CTTNBP2: variants seen among roughly 807,000 people sequenced by gnomAD.
CTTNBP2 encodes the protein cortactin binding protein 2, also known as cortactin-binding protein 2.
A neutral mutation model predicts 156.9 loss-of-function variants in CTTNBP2; 108 were observed. The observed-to-expected ratio is 0.69, with a 90% CI of 0.59 to 0.81. The LOEUF is 0.81. Ranked by LOEUF, CTTNBP2 falls within the 30% of genes least tolerant of loss-of-function variation. The pLI, the probability that CTTNBP2 is intolerant of heterozygous loss-of-function variation, is 0.00. For missense variants in CTTNBP2, 1,924 were observed against 2,035.4 expected (o/e 0.95, Z 1.05); for synonymous variants, 767 against 751.8 (o/e 1.02, Z -0.33).
intron 2 of CTTNBP2, among the ~76,000 whole-genome samples, chr7:117,827,243 T>C (rs1801339941): frequency 6.6e-6 from 1 of 152,218 alleles, no homozygotes; most frequent in Admixed American, 6.5e-5. Context: ...GCAATCATCA[T>C]GTTGTGGGAG....
chr7:117,715,120 A>G (rs137881004), intron 22 of CTTNBP2, among the ~76,000 whole-genome samples: 1 of 152,316 alleles, frequency 6.6e-6, no homozygotes, highest in Admixed American at 6.5e-5. Context: ...TAATTCCTCT[A>G]GATGGGAAAG....
Position 117,871,844 on chromosome 7 carries a change from TCACACACA to T in CTTNBP2, c.81+1483_81+1490del, listed in dbSNP as rs71150640. ...CCTCTTTCTTTTTCGTCCTTCCCCT[TCACACACA>T]CACACACACACACACACACACACCC... On this transcript the variant is annotated intron_variant, in intron 1 of 22. Transcript: ENST00000160373. 575 of 309,458 alleles carry T rather than the reference TCACACACA, an allele frequency of 1.9e-3. 13 individuals are homozygous for T. The highest frequency in any genetic ancestry group is 0.016 in the African/African-American group (472 of 30,222). 19.2% of individuals were successfully genotyped at this position (309,458 alleles called of 1,614,324 possible).
rs1253924797 is a variant in CTTNBP2 at position 117,760,571 on chromosome 7, T to G, written c.3036A>C (p.Ala1012=). ...AATGATTTGTCAGAGCTTGACTCAC[T>G]GCTTTTGAAAAATCATCCCATGATG... ...KQTSWDDFSK[A]VSQALTNHFQ... is the part of the protein sequence containing the mutation. The change falls in exon 10 of 23, where the codon GCA becomes GCC. Residue 1012 remains alanine, a synonymous_variant. Coordinates refer to ENST00000160373, the MANE Select transcript of CTTNBP2 (RefSeq NM_033427.3). 17 of 1,614,210 alleles carry G rather than the reference T, an allele frequency of 1.1e-5. No individual in the cohort carries two copies. The highest frequency in any genetic ancestry group is 1.3e-5 in the Non-Finnish European group (15 of 1,180,016).
intron 12 of CTTNBP2, among the ~76,000 whole-genome samples, chr7:117,747,716 T>C (rs1796410932): frequency 6.6e-6 from 1 of 152,152 alleles, no homozygotes; most frequent in African/African-American, 2.4e-5. Context: ...GAGGTTGCAG[T>C]GAGCCAAGAT....
At chr7:117,732,233 C>T (rs1795440706) in intron 16 of CTTNBP2, among the ~76,000 whole-genome samples, 1 of 152,096 alleles carries the variant, frequency 6.6e-6, no homozygotes, top group African/African-American at 2.4e-5. Context: ...ATATAACACA[C>T]ATGACCTAAA....
At chr7:117,824,726 T>G (rs1470567483) in intron 2 of CTTNBP2, among the ~76,000 whole-genome samples, 1 of 152,224 alleles carries the variant, frequency 6.6e-6, no homozygotes, top group Non-Finnish European at 1.5e-5. Flanking sequence ...TGCTTTCTCT[T>G]CCCTAGCTTC....
At position 117,784,418 on chromosome 7, in the gene CTTNBP2, C is replaced by G; in HGVS notation, c.2105G>C (p.Gly702Ala). 6.2e-7 allele frequency: 1 copy of G among 1,609,614 alleles called. No individual in the cohort carries two copies. Among genetic ancestry groups the G allele is most frequent in the Middle Eastern group, 1.7e-4 (1 of 5,926 alleles). Residue 702 changes from glycine (G) to alanine (A), a missense_variant, in exon 5 of 23, where the codon GGT becomes GCT. Transcript: ENST00000160373. The part of the protein sequence containing the change: ...SPSLTPLLMS[G>A]GPAPLAGRPT... ...CCTGCCAGCCAGGGGGGCAGGACCACCACTCATTAGCAAAGGGGTTAGGGA... is the reference window on the plus strand; with the variant it reads ...CCTGCCAGCCAGGGGGGCAGGACCAGCACTCATTAGCAAAGGGGTTAGGGA...
intron 2 of CTTNBP2, among the ~76,000 whole-genome samples, chr7:117,845,858 CT>C (rs553063917): frequency 7.4e-5 from 11 of 148,140 alleles, no homozygotes; most frequent in East Asian, 2.0e-4. Context: ...ATTTTTTTTT[CT>C]TTTTTTTTTG....
At chr7:117,755,967 C>T (rs1391843082) in intron 12 of CTTNBP2, among the ~76,000 whole-genome samples, 1 of 152,144 alleles carries the variant, frequency 6.6e-6, no homozygotes, top group African/African-American at 2.4e-5. Context: ...CTACCTTTGA[C>T]CAAGCAACAC....
intron 14 of CTTNBP2, among the ~76,000 whole-genome samples, chr7:117,739,183 G>C (rs34605897): frequency 0.046 from 6,965 of 152,204 alleles, 212 homozygotes; most frequent in African/African-American, 0.07. Context: ...TTTTAGTTGA[G>C]AAATAGTACG....
rs1474837816 is a variant in CTTNBP2, at chr7:117,782,898, G to T, written c.2336C>A (p.Thr779Lys). 6.2e-7 allele frequency: 1 copy of T among 1,613,942 alleles called. No individual in the cohort carries two copies. Among genetic ancestry groups the T allele is most frequent in the African/African-American group, 1.3e-5 (1 of 74,926 alleles). Residue 779 changes from threonine to lysine, a missense_variant, in exon 6 of 23, where the codon ACA (threonine) becomes AAA (lysine). Coordinates refer to ENST00000160373, the MANE Select transcript of CTTNBP2 (RefSeq NM_033427.3). The part of the protein sequence containing the change: ...QVNAADKNGF[T>K]PLCAAAAQGH... Reference sequence around the variant, plus strand: ...CTGAGCAGCTGCAGCACACAAGGGTGTGAAGCCATTTTTATCAGCAGCATT... The same window carrying T: ...CTGAGCAGCTGCAGCACACAAGGGTTTGAAGCCATTTTTATCAGCAGCATT...
chr7:117,766,242 T>C (rs912277375), intron 9 of CTTNBP2, among the ~76,000 whole-genome samples: 4 of 152,140 alleles, frequency 2.6e-5, no homozygotes, highest in African/African-American at 9.7e-5. Flanking sequence ...ACCCGAAACC[T>C]AGACTTCAAT....
At chr7:117,806,812 G>C (rs1232613094) in intron 3 of CTTNBP2, among the ~76,000 whole-genome samples, 1 of 144,708 alleles carries the variant, frequency 6.9e-6, no homozygotes, top group Non-Finnish European at 1.5e-5. Flanking sequence ...AGGCTGGAGT[G>C]CAATTGTGCG....
In CTTNBP2 at chr7:117,722,464, A is replaced by G. The variant is rs1794853884; in HGVS notation, c.4448-1334T>C. 2.6e-5 allele frequency among the ~76,000 whole-genome samples: 4 copies of G among 152,206 alleles called. No individual in the cohort carries two copies. The South Asian group carries it at 8.3e-4, about 32-fold the overall frequency. On this transcript the variant is annotated intron_variant, in intron 19 of 22. Coordinates refer to ENST00000160373, the MANE Select transcript of CTTNBP2 (RefSeq NM_033427.3). Reference sequence around the variant, plus strand: ...AGTCAGTGTAAACTCTTGTAGTTTTATTCTGTCAAAGAAGTTCATGCTTCA... The same window carrying G: ...AGTCAGTGTAAACTCTTGTAGTTTTGTTCTGTCAAAGAAGTTCATGCTTCA...
chr7:117,718,658 T>C (rs1036493365), intron 21 of CTTNBP2, among the ~76,000 whole-genome samples: 5 of 152,232 alleles, frequency 3.3e-5, no homozygotes, highest in Admixed American at 2.0e-4. Context: ...GTCCATGTTT[T>C]CTGTGAGATT....
intron 12 of CTTNBP2, among the ~76,000 whole-genome samples, chr7:117,753,143 C>G (rs1796705904): frequency 6.6e-6 from 1 of 151,964 alleles, no homozygotes; most frequent in Admixed American, 6.6e-5. Context: ...GTGGCCAACA[C>G]ATGAAAAAAA....
chr7:117,788,766 G>T (rs1005177587), intron 4 of CTTNBP2, among the ~76,000 whole-genome samples: 1 of 152,168 alleles, frequency 6.6e-6, no homozygotes, highest in African/African-American at 2.4e-5. Context: ...CAGTCTAGGT[G>T]CTCAGTAAAC....
Position 117,780,506 on chromosome 7 carries a change from T to G in CTTNBP2, c.2458A>C (p.Asn820His), listed in dbSNP as rs762735543. Residue 820 changes from asparagine (N) to histidine (H), a missense_variant, in exon 7 of 23, where the codon AAT (asparagine) becomes CAT (histidine). By Grantham distance (68) the Asn-to-His change is moderately conservative (BLOSUM62 1). Coordinates refer to ENST00000160373, the MANE Select transcript of CTTNBP2 (RefSeq NM_033427.3). ...AGTTTAATACATTCTTTATTTCCAT[T>G]TTTACAGGCCAGGTATAGAGGTGTC... ...GQTPLYLACK[N>H]GNKECIKLLL... 2.5e-6 allele frequency: 4 copies of G among 1,602,582 alleles called. No individual in the cohort carries two copies. Among genetic ancestry groups the G allele is most frequent in the Non-Finnish European group, 3.4e-6 (4 of 1,174,962 alleles).
chr7:117,805,298 C>G (rs1799862978), intron 3 of CTTNBP2, among the ~76,000 whole-genome samples: 1 of 152,104 alleles, frequency 6.6e-6, no homozygotes, highest in Non-Finnish European at 1.5e-5. Flanking sequence ...GGATTTTCCA[C>G]TTTTCTAGCA....
Sources: allele counts gnomAD v4.1 joint callset (sites outside exome capture counted in the v4.1 genomes callset), GRCh38; gene constraint gnomAD v4.1.1; transcripts MANE v1.5; gene names NCBI Gene and HGNC (gene_info 2026-07-23, HGNC 2026-07-21).